The following MAP3K3 variants were observed in gnomAD, a reference collection of about 807,000 sequenced individuals.
MAP3K3 encodes MAP/ERK kinase kinase 3.
In MAP3K3, 12 loss-of-function variants were observed where a neutral mutation model predicts 80.9. That is an observed-to-expected ratio of 0.15 (90% CI 0.10 to 0.24). The LOEUF is 0.24. MAP3K3 is among the 10% of genes least tolerant of loss of function. MAP3K3 has a pLI of 1.00. For synonymous variants in MAP3K3, 272 were observed against 307.1 expected (o/e 0.89, Z 1.19); for missense variants, 596 against 834.7 (o/e 0.71, Z 3.52).
In MAP3K3 at chr17:63,632,703, A is replaced by G. The variant is rs1290981546; in HGVS notation, c.27A>G (p.Ser9=). MDEQEALN[S]IMNDLVALQM... is the part of the protein sequence containing the mutation. ...CAGACGAACAGGAGGCATTGAACTC[A>G]ATCATGAACGATCTGGTGGCCCTCC... is the stretch of plus-strand genomic sequence containing the variant. The change falls in exon 2 of 16, where the codon TCA becomes TCG. Residue 9 remains serine, a synonymous_variant. Coordinates refer to ENST00000361733, the MANE Select transcript of MAP3K3 (RefSeq NM_002401.5). 2 of 1,614,066 alleles carry G rather than the reference A, an allele frequency of 1.2e-6. No homozygotes were observed. Among genetic ancestry groups the G allele is most frequent in the Admixed American group, 3.3e-5 (2 of 60,018 alleles).
At chr17:63,677,005 A>G (rs2035232713) in intron 6 of MAP3K3, among the ~76,000 whole-genome samples, 1 of 152,234 alleles carries the variant, frequency 6.6e-6, no homozygotes, top group Non-Finnish European at 1.5e-5. Context: ...GGTGGAATCC[A>G]TCTTACGCCT....
chr17:63,687,744 T>C (rs987641552), intron 8 of MAP3K3, among the ~76,000 whole-genome samples: 14 of 148,078 alleles, frequency 9.5e-5, no homozygotes, highest in African/African-American at 3.3e-4. Context: ...AGTCCCAGCA[T>C]TTTGGGAGGC....
chr17:63,675,412 G>A (rs979799203), intron 6 of MAP3K3, among the ~76,000 whole-genome samples: 1 of 152,192 alleles, frequency 6.6e-6, no homozygotes, highest in South Asian at 2.1e-4. Context: ...AACTCCCTGC[G>A]GAGACAACTT....
chr17:63,623,462 A>AT (rs1001446552), intron 1 of MAP3K3, among the ~76,000 whole-genome samples: 31 of 152,076 alleles, frequency 2.0e-4, no homozygotes, highest in African/African-American at 7.5e-4. Context: ...TTAATCCATT[A>AT]TTTTTTTCTT....
intron 4 of MAP3K3, among the ~76,000 whole-genome samples, chr17:63,657,256 G>A (rs911640598): frequency 3.9e-5 from 6 of 152,084 alleles, no homozygotes; most frequent in Non-Finnish European, 7.4e-5. Flanking sequence ...AAGTAAATTA[G>A]TGTTTTTGGA....
chr17:63,670,586 C>CAAAAAAAAAA (rs756058538), intron 6 of MAP3K3, among the ~76,000 whole-genome samples: 2 of 79,948 alleles, frequency 2.5e-5, no homozygotes, highest in Non-Finnish European at 4.9e-5. Flanking sequence ...GACTCTGTCT[C>CAAAAAAAAAA]AAAAAAAAAA....
chr17:63,622,629 C>T lies in MAP3K3; in HGVS notation c.-131C>T. 5.3e-6 allele frequency: 1 copy of T among 187,660 alleles called. No individual in the cohort carries two copies. The highest frequency in any genetic ancestry group is 1.0e-5 in the Non-Finnish European group (1 of 95,510). The allele number at this position is 187,660 out of a possible 1,614,324, so 11.6% of individuals were successfully genotyped here. ...GGAGCCTGGGGAGGCGGCGGGGGCC[C>T]AGAGCGCAGCCCGCGCCCCCCGCGC... On this transcript the variant is annotated 5_prime_UTR_variant, in exon 1 of 16. Transcript: ENST00000361733.
chr17:63,668,652 A>T (rs901007137), intron 6 of MAP3K3, among the ~76,000 whole-genome samples: 1 of 152,202 alleles, frequency 6.6e-6, no homozygotes, highest in Non-Finnish European at 1.5e-5. Flanking sequence ...CAGGGGCTAA[A>T]TACTTAGCCA....
In MAP3K3 at chr17:63,682,050, G is replaced by T. The variant is rs572055816; in HGVS notation, c.636+151G>T. The T allele has an allele frequency of 9.3e-5, 58 of 623,474 alleles. 1 individual carries two copies. In the South Asian group the frequency reaches 3.9e-3, roughly 42 times the overall value. 38.6% of individuals were successfully genotyped at this position (623,474 alleles called of 1,614,324 possible). On this transcript the variant is annotated intron_variant, in intron 7 of 15. Coordinates refer to ENST00000361733, the MANE Select transcript of MAP3K3 (RefSeq NM_002401.5). Reference sequence around the variant, plus strand: ...AACCAGGCCTGCCCAAATATGGATTGTCCCTTTTTAAGGGCCAAATAACAA... The same window carrying T: ...AACCAGGCCTGCCCAAATATGGATTTTCCCTTTTTAAGGGCCAAATAACAA...
At chr17:63,672,737 G>A (rs911733709) in intron 6 of MAP3K3, 1 of 152,336 alleles carries the variant, frequency 6.6e-6, no homozygotes, top group Non-Finnish European at 1.5e-5. Flanking sequence ...AACCAGAGAA[G>A]TAGGAAAGGA....
At position 63,691,325 on chromosome 17, in the gene MAP3K3, A is replaced by G. The variant is rs1321247191; in HGVS notation, c.1344+92A>G. ...CAGGAGGGGGGTCACCTTGGATAGG[A>G]GTTTGAACACCTGAGGCTCCAGAGG... On this transcript the variant is annotated intron_variant, in intron 13 of 15. Coordinates refer to ENST00000361733, the MANE Select transcript of MAP3K3 (RefSeq NM_002401.5). This position sits in a 1 kb window ranked among gnomAD's most constrained non-coding sequence, Gnocchi z 4.8. The G allele has an allele frequency of 6.4e-7, 1 of 1,561,734 alleles. No individual in the cohort carries two copies. The highest frequency in any genetic ancestry group is 8.8e-7 in the Non-Finnish European group (1 of 1,141,898).
intron 2 of MAP3K3, among the ~76,000 whole-genome samples, chr17:63,634,184 C>G (rs1009094252): frequency 3.3e-5 from 5 of 152,170 alleles, no homozygotes; most frequent in Admixed American, 3.3e-4. Context: ...CATTTGTATT[C>G]AAAGCCACTT....
intron 6 of MAP3K3, among the ~76,000 whole-genome samples, chr17:63,673,190 C>T (rs1046025129): frequency 1.6e-4 from 25 of 152,158 alleles, no homozygotes; most frequent in Admixed American, 1.6e-3. Flanking sequence ...TGAAAATCAG[C>T]TTTCTCTCAC....
At chr17:63,657,476 G>A (rs906621538) in intron 4 of MAP3K3, among the ~76,000 whole-genome samples, 1 of 152,164 alleles carries the variant, frequency 6.6e-6, no homozygotes, top group African/African-American at 2.4e-5. Flanking sequence ...AGTAGTGGTT[G>A]CCTGGGGCTG....
intron 1 of MAP3K3, among the ~76,000 whole-genome samples, chr17:63,628,857 C>G (rs1359156695): frequency 1.3e-5 from 2 of 152,174 alleles, no homozygotes; most frequent in East Asian, 3.8e-4. Flanking sequence ...GGCCTCCAGT[C>G]TTTTTCCATT....
intron 3 of MAP3K3, among the ~76,000 whole-genome samples, chr17:63,651,402 G>A (rs999683694): frequency 6.9e-6 from 1 of 145,032 alleles, no homozygotes; most frequent in African/African-American, 2.7e-5. Flanking sequence ...GAGCCCCAGA[G>A]GTTGAAGCTG....
At chr17:63,669,627 GTGT>G (rs1174791867) in intron 6 of MAP3K3, among the ~76,000 whole-genome samples, 1 of 152,048 alleles carries the variant, frequency 6.6e-6, no homozygotes, top group Non-Finnish European at 1.5e-5. Context: ...GCTAATTTTT[GTGT>G]TTTTAGTAGA....
At chr17:63,652,234 G>C (rs1408121432) in intron 3 of MAP3K3, among the ~76,000 whole-genome samples, 1 of 152,062 alleles carries the variant, frequency 6.6e-6, no homozygotes, top group East Asian at 1.9e-4. Context: ...CCATGTGTCT[G>C]TGTGTTCTCA....
At chr17:63,660,261 C>A (rs1340876556) in intron 5 of MAP3K3, among the ~76,000 whole-genome samples, 2 of 151,812 alleles carry the variant, frequency 1.3e-5, no homozygotes, top group Non-Finnish European at 2.9e-5. Flanking sequence ...AGTGCAGTGG[C>A]GCAGTGACAG....
Sources: allele counts gnomAD v4.1 joint callset (sites outside exome capture counted in the v4.1 genomes callset), GRCh38; gene constraint gnomAD v4.1.1; non-coding constraint Gnocchi (gnomAD v3.1); transcripts MANE v1.5; gene names NCBI Gene and HGNC (gene_info 2026-07-23, HGNC 2026-07-21).